The following SNRPN variants were observed in gnomAD, a reference collection of about 807,000 sequenced individuals.
SNRPN encodes small nuclear ribonucleoprotein polypeptide N.
Under a neutral mutation model 25.2 loss-of-function variants are expected in SNRPN, and 7 were observed. That is an observed-to-expected ratio of 0.28 (90% CI 0.16 to 0.52). The LOEUF (loss-of-function observed/expected upper bound fraction) is 0.52, where lower values mean the gene tolerates loss of function less well. SNRPN is among the 20% of genes least tolerant of loss of function. The probability of loss-of-function intolerance (pLI) is 0.96; values close to 1 mark genes in which losing one functional copy is unlikely to be tolerated. For missense variants in SNRPN, 196 were observed against 322.5 expected (o/e 0.61, Z 3.00); for synonymous variants, 124 against 110.6 (o/e 1.12, Z -0.76).
intron 2 of SNRPN, among the ~76,000 whole-genome samples, chr15:24,833,933 T>C (rs1296614949): frequency 6.6e-6 from 1 of 152,114 alleles, no homozygotes. Flanking sequence ...TTCTTTATTT[T>C]ATTTTATTTT....
At chr15:24,839,398 A>G (rs1307213692) in intron 2 of SNRPN, among the ~76,000 whole-genome samples, 2 of 152,100 alleles carry the variant, frequency 1.3e-5, no homozygotes, top group African/African-American at 4.8e-5. Flanking sequence ...CAGCAATGGT[A>G]GTATCAGCAT....
chr15:24,879,295 G>A (rs1297641703), intron 1 of SNRPN, among the ~76,000 whole-genome samples: 1 of 151,992 alleles, frequency 6.6e-6, no homozygotes, highest in Non-Finnish European at 1.5e-5. Flanking sequence ...AAATTACCCG[G>A]GGGTGGTGGT....
At chr15:24,836,983 A>T (rs73369299) in intron 2 of SNRPN, among the ~76,000 whole-genome samples, 1,823 of 152,116 alleles carry the variant, frequency 0.012, 49 homozygotes, top group African/African-American at 0.042. Flanking sequence ...AAGAGGTGGG[A>T]GCAGGTCATT....
chr15:24,930,683 C>T (rs762455528), intron 3 of SNRPN, among the ~76,000 whole-genome samples: 3 of 151,362 alleles, frequency 2.0e-5, no homozygotes, highest in Admixed American at 6.6e-5. Context: ...GGGTGGATCC[C>T]GAGGTCAGGA....
intron 2 of SNRPN, chr15:24,849,897 T>C (rs900113895): frequency 6.6e-6 from 1 of 152,248 alleles, no homozygotes; most frequent in African/African-American, 2.4e-5. Context: ...GCATAAGATT[T>C]ACTTGTTATG....
At chr15:24,832,158 A>G (rs2050585580) in intron 2 of SNRPN, among the ~76,000 whole-genome samples, 2 of 151,884 alleles carry the variant, frequency 1.3e-5, no homozygotes, top group African/African-American at 4.8e-5. Flanking sequence ...ATCTTTATCA[A>G]CACTAACTTT....
upstream of SNRPN, among the ~76,000 whole-genome samples, chr15:24,950,859 CT>C (rs78858293): frequency 3.7e-3 from 524 of 139,940 alleles, no homozygotes; most frequent in Non-Finnish European, 4.2e-3. Context: ...CTATGTTTTC[CT>C]TTTTTTTTTT....
At chr15:24,894,487 G>A (rs566588700) in intron 2 of SNRPN, among the ~76,000 whole-genome samples, 2 of 152,238 alleles carry the variant, frequency 1.3e-5, no homozygotes, top group Admixed American at 6.5e-5. Flanking sequence ...CCAAAGTGCT[G>A]GGATTACAGG....
chr15:24,883,989 G>C (rs1348250941), intron 1 of SNRPN, among the ~76,000 whole-genome samples: 5 of 126,130 alleles, frequency 4.0e-5, no homozygotes, highest in African/African-American at 1.6e-4. Context: ...TGGGACAACA[G>C]AGCCCCACTC....
At chr15:24,872,019 T>C (rs1433701329) in intron 1 of SNRPN, among the ~76,000 whole-genome samples, 1 of 120,590 alleles carries the variant, frequency 8.3e-6, no homozygotes, top group African/African-American at 2.8e-5. Context: ...GTCCTCTTTT[T>C]AGGGTTGTTT....
intron 2 of SNRPN, among the ~76,000 whole-genome samples, chr15:24,845,393 T>C (rs2052098768): frequency 6.6e-6 from 1 of 152,008 alleles, no homozygotes; most frequent in Non-Finnish European, 1.5e-5. Flanking sequence ...AGGTCGGGAG[T>C]TCGAGACCAG....
At chr15:24,834,221 G>A (rs1397846706) in intron 2 of SNRPN, among the ~76,000 whole-genome samples, 1 of 152,124 alleles carries the variant, frequency 6.6e-6, no homozygotes, top group East Asian at 1.9e-4. Flanking sequence ...ACTGTGCCCA[G>A]CCTGTAAATG....
rs1301139514 is a variant in SNRPN at position 24,862,398 on chromosome 15, A to C, written c.-579+5682A>C. Reference sequence around the variant, plus strand: ...AAAAGGCTGGGCAGAATCAGGGCTCACATCCTGACCTGAGAACAGAAGAGA... The same window carrying C: ...AAAAGGCTGGGCAGAATCAGGGCTCCCATCCTGACCTGAGAACAGAAGAGA... On this transcript the variant is annotated intron_variant, in intron 1 of 11. Coordinates refer to the SNRPN transcript ENST00000400097. 4.6e-5 allele frequency among the ~76,000 whole-genome samples: 7 copies of C among 150,762 alleles called. 1 individual carries two copies. Among genetic ancestry groups the C allele is most frequent in the African/African-American group, 1.7e-4 (7 of 40,222 alleles).
At chr15:24,940,084 C>T (rs2061462234) in intron 3 of SNRPN, among the ~76,000 whole-genome samples, 1 of 152,166 alleles carries the variant, frequency 6.6e-6, no homozygotes, top group South Asian at 2.1e-4. Context: ...GCCACTGTGC[C>T]TGGCTGAGGA....
intron 3 of SNRPN, among the ~76,000 whole-genome samples, chr15:24,969,904 G>A (rs951990061): frequency 1.3e-5 from 2 of 152,146 alleles, no homozygotes; most frequent in Admixed American, 6.6e-5. Flanking sequence ...TTGGTGCTAC[G>A]GTGGTGCAGC....
At chr15:24,976,565 A>G (rs138804160) in intron 6 of SNRPN, 149 bp downstream of exon 6, 17 of 687,492 alleles carry the variant, frequency 2.5e-5, no homozygotes, top group South Asian at 1.1e-4. Context: ...TTGGTTGCCT[A>G]TGCTATTCGG....
chr15:24,973,306 T>A (rs2076669907), intron 3 of SNRPN, among the ~76,000 whole-genome samples: 1 of 152,214 alleles, frequency 6.6e-6, no homozygotes, highest in South Asian at 2.1e-4. Context: ...ACTCTGTGTA[T>A]CCTCTAGGTT....
intron 3 of SNRPN, among the ~76,000 whole-genome samples, chr15:24,923,027 C>A (rs139013711): frequency 2.3e-3 from 350 of 150,822 alleles, no homozygotes; most frequent in Middle Eastern, 0.017. Context: ...TGCCTCAGAC[C>A]CCCATGTAAC....
In SNRPN at chr15:24,949,168, C is replaced by A. The variant is rs951435622; in HGVS notation, c.-390-12946C>A. Among the ~76,000 whole-genome samples the A allele has an allele frequency of 2.0e-5, 3 of 151,702 alleles. No individual in the cohort carries two copies. In the East Asian group the frequency reaches 5.8e-4, roughly 30 times the overall value. On this transcript the variant is annotated intron_variant, in intron 3 of 11. Coordinates refer to the SNRPN transcript ENST00000400097. ...TCCTGAGTAGCTGGGATTGCAGGCA[C>A]GTGCCACCACACCCGGCTATTTTTT...
Sources: gnomAD v4.1 joint callset for allele counts (sites outside exome capture counted in the v4.1 genomes callset) on GRCh38, gnomAD v4.1.1 for gene constraint, MANE v1.5 for transcripts, NCBI Gene and HGNC (gene_info 2026-07-23, HGNC 2026-07-21) for gene names.